Variants in NACC2 observed in about 807,000 individuals in gnomAD.
NACC2 encodes nucleus accumbens-associated protein 2.
NACC2 carries 8 observed loss-of-function variants against 25.1 expected under a neutral mutation model. The ratio of observed to expected loss-of-function variants is 0.32; its 90% CI spans 0.19 to 0.57. The LOEUF (loss-of-function observed/expected upper bound fraction) is 0.57. Among genes scored for constraint, NACC2 ranks in the 20% least tolerant of loss-of-function variants. The pLI, the probability that NACC2 is intolerant of heterozygous loss-of-function variation, is 0.89. For missense variants in NACC2, 644 were observed against 650.2 expected (o/e 0.99, Z 0.10); for synonymous variants, 435 against 294.7 (o/e 1.48, Z -4.88).
rs1385686116 is a variant in NACC2 at position 136,007,705 on chromosome 9, A to C, written c.*3811T>G. On this transcript the variant is annotated 3_prime_UTR_variant, in exon 6 of 6. Transcript: ENST00000277554. ...TGCGCTTAGGACTCGCTGCTGGCAG[A>C]GGCAGACAGAGGGTTCTTGGAGTTT... The C allele has an allele frequency of 6.6e-6, 1 of 152,258 alleles. No individual in the cohort carries two copies. The highest frequency in any genetic ancestry group is 1.5e-5 in the Non-Finnish European group (1 of 68,052). The allele number at this position is 152,258 out of a possible 1,614,324, so 9.4% of individuals were successfully genotyped here.
At chr9:136,017,314 G>A (rs75536718) in intron 2 of NACC2, among the ~76,000 whole-genome samples, 2,924 of 152,264 alleles carry the variant, frequency 0.019, 90 homozygotes, top group African/African-American at 0.066. Flanking sequence ...GTGCCACCCC[G>A]AGGTCCCTGG....
Position 136,018,398 on chromosome 9 carries a change from G to A in NACC2, c.887-1969C>T, listed in dbSNP as rs1840234487. On this transcript the variant is annotated intron_variant, in intron 2 of 5. Coordinates refer to ENST00000277554, the MANE Select transcript of NACC2 (RefSeq NM_144653.5). This position sits in a 1 kb window ranked among gnomAD's most constrained non-coding sequence, Gnocchi z 4.4. ...CCCAGCCCTGGGGGGCTGAAACCTT[G>A]GTTTCTGAGGACCCCACATCCTGAA... Among the ~76,000 whole-genome samples the A allele has an allele frequency of 6.6e-6, 1 of 152,036 alleles. No individual in the cohort carries two copies. The highest frequency in any genetic ancestry group is 1.5e-5 in the Non-Finnish European group (1 of 67,968).
chr9:136,030,427 G>C (rs1411523298), intron 2 of NACC2, among the ~76,000 whole-genome samples: 1 of 151,904 alleles, frequency 6.6e-6, no homozygotes, highest in African/African-American at 2.4e-5. Flanking sequence ...GGTGAACACA[G>C]TGAAACCCCA....
chr9:136,087,747 CT>C (rs1362442267), intron 1 of NACC2, among the ~76,000 whole-genome samples: 2 of 152,244 alleles, frequency 1.3e-5, no homozygotes, highest in East Asian at 3.9e-4. Context: ...CAAGAGAACA[CT>C]TGCTCTCCAA....
intron 1 of NACC2, among the ~76,000 whole-genome samples, chr9:136,080,799 C>G (rs1830315191): frequency 6.6e-6 from 1 of 152,184 alleles, no homozygotes; most frequent in African/African-American, 2.4e-5. Flanking sequence ...GCAGAGGATG[C>G]AGGGAGAGCA....
rs1444603823 is a variant in NACC2 at position 136,095,210 on chromosome 9, C to T, written c.-81G>A. The T allele has an allele frequency of 1.4e-5, 2 of 147,218 alleles. No individual in the cohort carries two copies. Among genetic ancestry groups the T allele is most frequent in the Admixed American group, 6.7e-5 (1 of 14,828 alleles). The allele number at this position is 147,218 out of a possible 1,614,324, so 9.1% of individuals were successfully genotyped here. On this transcript the variant is annotated 5_prime_UTR_variant, in exon 1 of 6. Transcript: ENST00000277554. ...GTACCTGCGGGCGCCCGGCCCGGTC[C>T]GGCCTGGGCAGCTGCGGCGCGCCGC...
chr9:136,070,458 G>A (rs1841136647), intron 1 of NACC2, among the ~76,000 whole-genome samples: 1 of 151,764 alleles, frequency 6.6e-6, no homozygotes, highest in Non-Finnish European at 1.5e-5. Context: ...AGTGAGCCGA[G>A]ATCGCGCCAC....
intron 2 of NACC2, among the ~76,000 whole-genome samples, chr9:136,042,853 C>T (rs987343683): frequency 1.7e-5 from 2 of 118,660 alleles, no homozygotes; most frequent in African/African-American, 3.0e-5. Flanking sequence ...TACAGACACA[C>T]ACAGAGACAC....
intron 1 of NACC2, among the ~76,000 whole-genome samples, chr9:136,071,375 T>A (rs1361251615): frequency 6.6e-6 from 1 of 151,892 alleles, no homozygotes; most frequent in Non-Finnish European, 1.5e-5. Flanking sequence ...AAACCCCGTC[T>A]CTACTAAAGA....
chr9:136,033,011 C>T (rs969921966), intron 2 of NACC2, among the ~76,000 whole-genome samples: 2 of 151,592 alleles, frequency 1.3e-5, no homozygotes, highest in African/African-American at 4.9e-5. Flanking sequence ...GAGCAAGATT[C>T]CATCTCAAAA....
intron 1 of NACC2, among the ~76,000 whole-genome samples, chr9:136,076,423 C>T (rs1039087756): frequency 1.3e-5 from 2 of 152,076 alleles, no homozygotes; most frequent in African/African-American, 2.4e-5. Context: ...GACACTATGC[C>T]GAGTGAAAGC....
chr9:136,012,231 C>G (rs1433546855), intron 5 of NACC2, among the ~76,000 whole-genome samples: 3 of 152,376 alleles, frequency 2.0e-5, no homozygotes, highest in Middle Eastern at 6.8e-3. Context: ...CACCCCATTC[C>G]TCTGGAACAG....
At chr9:136,044,325 G>C (rs1486982456) in intron 2 of NACC2, among the ~76,000 whole-genome samples, 2 of 152,162 alleles carry the variant, frequency 1.3e-5, no homozygotes, top group African/African-American at 4.8e-5. Context: ...AGGCCACCTG[G>C]ACAATATAGC....
intron 2 of NACC2, among the ~76,000 whole-genome samples, chr9:136,044,394 G>A (rs1840688253): frequency 6.6e-6 from 1 of 152,160 alleles, no homozygotes; most frequent in African/African-American, 2.4e-5. Context: ...ACATGACTGT[G>A]GTCTCGGCTC....
At chr9:136,030,151 A>AG (rs1477976095) in intron 2 of NACC2, among the ~76,000 whole-genome samples, 1 of 152,138 alleles carries the variant, frequency 6.6e-6, no homozygotes, top group African/African-American at 2.4e-5. Flanking sequence ...CTGGGATTAC[A>AG]GGCATGAGAC....
Position 136,018,551 on chromosome 9 carries a change from G to A in NACC2, c.887-2122C>T, listed in dbSNP as rs1362183274. On this transcript the variant is annotated intron_variant, in intron 2 of 5. Coordinates refer to ENST00000277554, the MANE Select transcript of NACC2 (RefSeq NM_144653.5). This position sits in a 1 kb window ranked among gnomAD's most constrained non-coding sequence, Gnocchi z 4.4. Reference sequence around the variant, plus strand: ...AGGGACCCACTGGCCCAGGATGAGCGTGGTACGCACTGCACCTGTCAGTCC... The same window carrying A: ...AGGGACCCACTGGCCCAGGATGAGCATGGTACGCACTGCACCTGTCAGTCC... Among the ~76,000 whole-genome samples, 2 of 151,980 alleles carry A rather than the reference G, an allele frequency of 1.3e-5. No individual in the cohort carries two copies. The highest frequency in any genetic ancestry group is 2.9e-5 in the Non-Finnish European group (2 of 67,966).
rs1396762084 is a variant in NACC2, at chr9:136,049,933, G to A, written c.589C>T (p.Pro197Ser). The A allele has an allele frequency of 5.2e-5, 30 of 578,968 alleles. No homozygotes were observed. The highest frequency in any genetic ancestry group is 1.0e-4 in the Admixed American group (3 of 29,266). 35.9% of individuals were successfully genotyped at this position (578,968 alleles called of 1,614,324 possible). A position where few individuals can be genotyped will look rare whatever the true frequency, so the allele number is the denominator to read the frequency against. Residue 197 changes from proline to serine, a missense_variant, in exon 2 of 6, where the codon CCC becomes TCC. Coordinates refer to ENST00000277554, the MANE Select transcript of NACC2 (RefSeq NM_144653.5). Reference sequence around the variant, plus strand: ...GCGGCCACCGCCACGCCGTCCCGGGGCCCCGTCTCCAGCGGGCGCTTGGGG... The same window carrying A: ...GCGGCCACCGCCACGCCGTCCCGGGACCCCGTCTCCAGCGGGCGCTTGGGG... ...LAPKRPLETG[P>S]RDGVAVAAGA...
rs558426383 is a variant in NACC2, at chr9:136,009,417, C to T, written c.*2099G>A. ...TCTGGATGCCTCTGCACCACTGAGC[C>T]ACCTGCAGCCCTAGGAATGCAGGTC... is the stretch of plus-strand genomic sequence containing the variant. On this transcript the variant is annotated 3_prime_UTR_variant, in exon 6 of 6. Coordinates refer to ENST00000277554, the MANE Select transcript of NACC2 (RefSeq NM_144653.5). 6 of 152,428 alleles carry T rather than the reference C, an allele frequency of 3.9e-5. No homozygotes were observed. The highest frequency in any genetic ancestry group is 3.3e-4 in the Admixed American group (5 of 15,310). 9.4% of individuals were successfully genotyped at this position (152,428 alleles called of 1,614,324 possible).
rs1029915738 is a variant in NACC2 at position 136,084,228 on chromosome 9, G to A, written c.-60+10961C>T. Among the ~76,000 whole-genome samples the A allele has an allele frequency of 1.3e-5, 2 of 152,076 alleles. No individual in the cohort carries two copies. Among genetic ancestry groups the A allele is most frequent in the African/African-American group, 4.8e-5 (2 of 41,384 alleles). ...CAACCTGCAGCCTCCCCGCTCCCAG[G>A]TCAAAGACCTCCACACCCAGACCTG... On this transcript the variant is annotated intron_variant, in intron 1 of 5. Coordinates refer to ENST00000277554, the MANE Select transcript of NACC2 (RefSeq NM_144653.5). This position sits in a 1 kb window ranked among gnomAD's most constrained non-coding sequence, Gnocchi z 5.1.
Sources: gnomAD v4.1 joint callset for allele counts (sites outside exome capture counted in the v4.1 genomes callset) on GRCh38, gnomAD v4.1.1 for gene constraint, Gnocchi (gnomAD v3.1) non-coding constraint, MANE v1.5 for transcripts, NCBI Gene and HGNC (gene_info 2026-07-23, HGNC 2026-07-21) for gene names.